Variants in DGKB observed in about 807,000 individuals in gnomAD.
The protein encoded by DGKB is diacylglycerol kinase beta, also known as 90 kDa diacylglycerol kinase.
DGKB carries 67 observed loss-of-function variants against 114.3 expected under a neutral mutation model. That is an observed-to-expected ratio of 0.59 (90% CI 0.48 to 0.72). DGKB has a LOEUF of 0.72. Ranked by LOEUF, DGKB falls within the 30% of genes least tolerant of loss-of-function variation. The pLI, the probability that DGKB is intolerant of heterozygous loss-of-function variation, is 0.00. For synonymous variants in DGKB, 398 were observed against 323.1 expected (o/e 1.23, Z -2.49); for missense variants, 907 against 975.2 (o/e 0.93, Z 0.93).
At chr7:14,352,327 A>G (rs1334123018) in intron 21 of DGKB, among the ~76,000 whole-genome samples, 1 of 152,108 alleles carries the variant, frequency 6.6e-6, no homozygotes, top group African/African-American at 2.4e-5. Context: ...ACAATTCCCT[A>G]TGGAAAAAAA....
chr7:14,829,997 A>C (rs1846195175), intron 2 of DGKB, among the ~76,000 whole-genome samples: 1 of 152,088 alleles, frequency 6.6e-6, no homozygotes, highest in Non-Finnish European at 1.5e-5. Context: ...TCTAGAGATC[A>C]CTGGGCAGTA....
chr7:14,918,696 C>G (rs1784360260), intron 1 of DGKB, among the ~76,000 whole-genome samples: 1 of 152,058 alleles, frequency 6.6e-6, no homozygotes. Flanking sequence ...TATATGTCAA[C>G]TTGATCTATG....
chr7:14,873,393 T>C (rs892557490), intron 1 of DGKB, among the ~76,000 whole-genome samples: 7 of 152,068 alleles, frequency 4.6e-5, no homozygotes, highest in African/African-American at 1.2e-4. Flanking sequence ...ACTGAAAACG[T>C]CTTAAAACAT....
intron 19 of DGKB, 44 bp downstream of exon 19, chr7:14,580,818 G>A (rs2128723134): frequency 7.6e-7 from 1 of 1,311,992 alleles, no homozygotes; most frequent in East Asian, 2.3e-5. Flanking sequence ...AAGGGAAAGG[G>A]GTGTTGTGTA....
At chr7:14,368,547 A>G (rs1817083928) in intron 21 of DGKB, among the ~76,000 whole-genome samples, 1 of 151,638 alleles carries the variant, frequency 6.6e-6, no homozygotes, top group South Asian at 2.1e-4. Context: ...ACAGAAATGA[A>G]GAAACAGATG....
At chr7:14,336,666 T>C (rs1416023316) in intron 23 of DGKB, among the ~76,000 whole-genome samples, 2 of 152,142 alleles carry the variant, frequency 1.3e-5, no homozygotes, top group African/African-American at 2.4e-5. Context: ...TGACAGCCTA[T>C]GACAATATTT....
intron 23 of DGKB, among the ~76,000 whole-genome samples, chr7:14,237,747 C>A (rs142577575): frequency 6.6e-6 from 1 of 151,578 alleles, no homozygotes; most frequent in East Asian, 1.9e-4. Context: ...ATCTTGGCAC[C>A]GAAAAATAGA....
In DGKB at chr7:14,754,222, G is replaced by C. The variant is rs1880549; in HGVS notation, c.148-274C>G. On this transcript the variant is annotated intron_variant, in intron 3 of 25. Coordinates refer to ENST00000402815, the MANE Select transcript of DGKB (RefSeq NM_001350709.2). The stretch of plus-strand genomic sequence containing the variant: ...GGAGGCAGGCAGCAATCCATGTTTT[G>C]ACAAGCCCCCCGGTTGATTCTGAGG... Among the ~76,000 whole-genome samples the C allele has an allele frequency of 1.9e-3, 293 of 151,938 alleles. 2 individuals are homozygous for C. The highest frequency in any genetic ancestry group is 7.2e-4 in the Non-Finnish European group (49 of 67,956).
At position 14,570,885 on chromosome 7, in the gene DGKB, G is replaced by A. The variant is rs557298038; in HGVS notation, c.1770+3327C>T. 2.0e-5 allele frequency among the ~76,000 whole-genome samples: 3 copies of A among 152,234 alleles called. No homozygotes were observed. The East Asian group carries it at 5.8e-4, about 29-fold the overall frequency. ...CAAACCTGTGTTGTTCAAAGGTCAA[G>A]TGTATTTCTGTTTCCTAATATAAGG... On this transcript the variant is annotated intron_variant, in intron 20 of 25. Coordinates refer to ENST00000402815, the MANE Select transcript of DGKB (RefSeq NM_001350709.2).
chr7:14,572,498 T>C (rs1174181622), intron 20 of DGKB, among the ~76,000 whole-genome samples: 1 of 150,534 alleles, frequency 6.6e-6, no homozygotes, highest in African/African-American at 2.4e-5. Flanking sequence ...ATAGTAACAA[T>C]GACTCTCCAA....
chr7:14,866,098 C>T (rs1459342538), intron 1 of DGKB, among the ~76,000 whole-genome samples: 1 of 152,078 alleles, frequency 6.6e-6, no homozygotes, highest in East Asian at 1.9e-4. Flanking sequence ...TTTTTAAAGA[C>T]TTAATTTTTC....
intron 23 of DGKB, among the ~76,000 whole-genome samples, chr7:14,286,977 T>C (rs1457808823): frequency 6.6e-6 from 1 of 152,130 alleles, no homozygotes; most frequent in African/African-American, 2.4e-5. Flanking sequence ...GTGATATATA[T>C]ACACATATTA....
chr7:14,718,930 T>A (rs1241938084), intron 5 of DGKB: 1 of 362,484 alleles, frequency 2.8e-6, no homozygotes, highest in African/African-American at 2.1e-5. Flanking sequence ...GGTATTTGGG[T>A]CAGAATAATA....
intron 21 of DGKB, among the ~76,000 whole-genome samples, chr7:14,464,579 A>G (rs368601468): frequency 6.6e-6 from 1 of 152,238 alleles, no homozygotes; most frequent in Non-Finnish European, 1.5e-5. Flanking sequence ...GTACATGTAA[A>G]GATTTATTCT....
intron 1 of DGKB, among the ~76,000 whole-genome samples, chr7:14,875,708 G>A (rs1011706264): frequency 6.6e-6 from 1 of 152,220 alleles, no homozygotes; most frequent in East Asian, 1.9e-4. Context: ...AACAGATTAG[G>A]ATAAAACAAG....
chr7:14,949,498 T>C (rs1223792982), intron 1 of DGKB, among the ~76,000 whole-genome samples: 1 of 151,918 alleles, frequency 6.6e-6, no homozygotes, highest in East Asian at 1.9e-4. Flanking sequence ...TATTAACACA[T>C]GCTCAGAGAA....
chr7:14,734,150 T>G (rs1831352824), intron 5 of DGKB, among the ~76,000 whole-genome samples: 1 of 152,070 alleles, frequency 6.6e-6, no homozygotes, highest in Non-Finnish European at 1.5e-5. Context: ...TTCTCCTGTT[T>G]CAGCCTCCCA....
intron 14 of DGKB, among the ~76,000 whole-genome samples, 161 bp from the exon 15 acceptor site, chr7:14,621,655 T>C (rs1807680350): frequency 6.6e-6 from 1 of 152,110 alleles, no homozygotes; most frequent in Admixed American, 6.6e-5. Context: ...TGTTTTCAAC[T>C]GGCTCAATAT....
At position 14,830,336 on chromosome 7, in the gene DGKB, G is replaced by T. The variant is rs1247612021; in HGVS notation, c.70+10858C>A. 4.0e-5 allele frequency among the ~76,000 whole-genome samples: 6 copies of T among 151,230 alleles called. No homozygotes were observed. In the East Asian group the frequency reaches 9.8e-4, roughly 25 times the overall value. ...CCTCTTTGAATTCCTTCTAACCAAGGCAGAGCTTTTAAGAGCCCATTTCTA... is the reference window on the plus strand; with the variant it reads ...CCTCTTTGAATTCCTTCTAACCAAGTCAGAGCTTTTAAGAGCCCATTTCTA... On this transcript the variant is annotated intron_variant, in intron 2 of 25. Transcript: ENST00000402815.
Sources: gnomAD v4.1 joint callset for allele counts (sites outside exome capture counted in the v4.1 genomes callset) on GRCh38, gnomAD v4.1.1 for gene constraint, MANE v1.5 for transcripts, NCBI Gene and HGNC (gene_info 2026-07-23, HGNC 2026-07-21) for gene names.